Variants in SVIL observed in about 807,000 individuals in gnomAD.
SVIL encodes the protein archvillin.
Under a neutral mutation model 240.4 loss-of-function variants are expected in SVIL, and 101 were observed. The observed-to-expected ratio is 0.42, with a 90% confidence interval of 0.36 to 0.50. The LOEUF is 0.50. Ranked by LOEUF, SVIL falls within the 20% of genes least tolerant of loss-of-function variation. The pLI is 0.01. For missense variants in SVIL, 2,512 were observed against 2,818.7 expected (o/e 0.89, Z 2.46); for synonymous variants, 999 against 1,100.0 (o/e 0.91, Z 1.82).
chr10:29,682,219 G>A (rs1075393), intron 2 of SVIL, among the ~76,000 whole-genome samples: 35,782 of 151,874 alleles, frequency 0.24, 4,289 homozygotes, highest in East Asian at 0.3. Context: ...CCAATACCAC[G>A]CCCCCTCCTC....
intron 17 of SVIL, among the ~76,000 whole-genome samples, chr10:29,502,653 T>G (rs980561729): frequency 1.3e-5 from 2 of 151,914 alleles, no homozygotes; most frequent in Non-Finnish European, 2.9e-5. Context: ...AATTGAGTAT[T>G]TGTGTATGTG....
chr10:29,655,725 G>A (rs1958979091), intron 3 of SVIL, among the ~76,000 whole-genome samples: 1 of 152,216 alleles, frequency 6.6e-6, no homozygotes, highest in Admixed American at 6.5e-5. Flanking sequence ...TGGTGAGAAT[G>A]GATATCCTTG....
chr10:29,486,507 TCTA>T lies in SVIL; in HGVS notation c.4533_4535del (p.Cys1511_Arg1512delinsTer). On this transcript the variant is annotated stop_gained and inframe_deletion, in exon 25 of 38. Coordinates refer to ENST00000355867, the MANE Select transcript of SVIL (RefSeq NM_021738.3). LOFTEE classifies it high-confidence loss of function. The stretch of plus-strand genomic sequence containing the variant: ...CTTCAATGGTTTGGATATAAGTAGC[TCTA>T]CAACCAAGTTCCCTCTTTGTCTGAA... The T allele has an allele frequency of 6.2e-7, 1 of 1,614,170 alleles. No individual in the cohort carries two copies. The highest frequency in any genetic ancestry group is 8.5e-7 in the Non-Finnish European group (1 of 1,180,022).
At chr10:29,685,773 T>G (rs532472286) in intron 2 of SVIL, among the ~76,000 whole-genome samples, 106 of 152,104 alleles carry the variant, frequency 7.0e-4, no homozygotes, top group Middle Eastern at 6.8e-3. Context: ...GGGAGGAGAG[T>G]GTAATGAGGC....
intron 17 of SVIL, among the ~76,000 whole-genome samples, chr10:29,499,709 A>G (rs540116395): frequency 6.6e-6 from 1 of 152,156 alleles, no homozygotes; most frequent in South Asian, 2.1e-4. Flanking sequence ...TGAGCACACA[A>G]GGAACTTGCC....
rs78296091 is a variant in SVIL, at chr10:29,525,948, C to T, written c.2342+1013G>A. Among the ~76,000 whole-genome samples the T allele has an allele frequency of 6.9e-3, 1,047 of 152,256 alleles. 8 individuals are homozygous for T. Among genetic ancestry groups the T allele is most frequent in the African/African-American group, 0.023 (974 of 41,538 alleles). On this transcript the variant is annotated intron_variant, in intron 13 of 37. Transcript: ENST00000355867. ...AGGAGGGCAGGGAAACCCACTTCTC[C>T]GGGAGGGCCCTGCTGTGGGTGTACC...
intron 1 of SVIL, among the ~76,000 whole-genome samples, chr10:29,705,322 A>C (rs1019669639): frequency 5.9e-5 from 9 of 152,292 alleles, no homozygotes; most frequent in African/African-American, 1.4e-4. Flanking sequence ...GAAACTGTGA[A>C]TATTACCTGA....
In SVIL at chr10:29,545,106, C is replaced by T. The variant is rs555823729; in HGVS notation, c.827+5491G>A. 5 of 534,114 alleles carry T rather than the reference C, an allele frequency of 9.4e-6. No individual in the cohort carries two copies. In the East Asian group the frequency reaches 1.6e-4, roughly 17 times the overall value. The allele number at this position is 534,114 out of a possible 1,614,324, so 33.1% of individuals were successfully genotyped here. ...GTCAAGCACGATGCTCTCCTGCAGA[C>T]ACCTCTCTCAGTGCATGGAAACAGA... On this transcript the variant is annotated intron_variant, in intron 6 of 37. Transcript: ENST00000355867.
intron 18 of SVIL, among the ~76,000 whole-genome samples, chr10:29,497,808 G>A (rs1948560669): frequency 2.0e-5 from 3 of 152,240 alleles, no homozygotes; most frequent in Middle Eastern, 3.4e-3. Flanking sequence ...ATGGGCTGGC[G>A]GGGTGGCTCA....
At chr10:29,582,842 C>T (rs1956008225) in intron 1 of SVIL, among the ~76,000 whole-genome samples, 1 of 152,090 alleles carries the variant, frequency 6.6e-6, no homozygotes, top group Admixed American at 6.6e-5. Flanking sequence ...GCCACACCTT[C>T]AGAGCTGCGG....
At chr10:29,649,752 C>T (rs191694754) in intron 3 of SVIL, among the ~76,000 whole-genome samples, 31 of 152,288 alleles carry the variant, frequency 2.0e-4, no homozygotes, top group Non-Finnish European at 3.7e-4. Flanking sequence ...GTCATGTGCT[C>T]AAAATATGAT....
intron 3 of SVIL, among the ~76,000 whole-genome samples, chr10:29,557,768 C>T (rs548830560): frequency 9.2e-5 from 14 of 152,216 alleles, no homozygotes; most frequent in African/African-American, 2.9e-4. Context: ...GAACACTGCC[C>T]TCTGATAGCC....
chr10:29,582,966 G>A (rs1377203776), intron 1 of SVIL, among the ~76,000 whole-genome samples: 8 of 152,148 alleles, frequency 5.3e-5, no homozygotes, highest in East Asian at 1.9e-4. Flanking sequence ...CAGTCATTCA[G>A]TGCTCACTAC....
At chr10:29,506,675 C>CTTAGTGGGAGGGGACAGAGGG (rs1949323624) in intron 17 of SVIL, among the ~76,000 whole-genome samples, 1 of 111,870 alleles carries the variant, frequency 8.9e-6, no homozygotes, top group Non-Finnish European at 2.0e-5. Flanking sequence ...GGGACAGAGG[C>CTTAGTGGGAGGGGACAGAGGG]CCTATGAGGG....
intron 12 of SVIL, among the ~76,000 whole-genome samples, chr10:29,529,107 C>T (rs968231160): frequency 7.1e-5 from 9 of 125,932 alleles, no homozygotes; most frequent in African/African-American, 2.7e-4. Flanking sequence ...ACCCAGGAGG[C>T]GGAGGTTGCA....
At chr10:29,672,416 G>T (rs566925845) in intron 2 of SVIL, among the ~76,000 whole-genome samples, 16 of 152,058 alleles carry the variant, frequency 1.1e-4, no homozygotes, top group African/African-American at 3.1e-4. Flanking sequence ...TGAGGCTGCA[G>T]TGAGCCGTGA....
chr10:29,716,316 G>T (rs925962170), intron 1 of SVIL, among the ~76,000 whole-genome samples: 15 of 151,976 alleles, frequency 9.9e-5, no homozygotes, highest in African/African-American at 3.6e-4. Flanking sequence ...AAATAAATAT[G>T]GCCAATTTTT....
chr10:29,588,418 T>C (rs1487689744), intron 1 of SVIL, among the ~76,000 whole-genome samples: 1 of 151,890 alleles, frequency 6.6e-6, no homozygotes, highest in African/African-American at 2.4e-5. Context: ...CTGTGCAGTT[T>C]CTTGGACACC....
At position 29,457,879 on chromosome 10, in the gene SVIL, G is replaced by A. The variant is rs1943738893; in HGVS notation, c.*368C>T. 1 of 146,124 alleles carries A rather than the reference G, an allele frequency of 6.8e-6. No individual in the cohort carries two copies. Among genetic ancestry groups the A allele is most frequent in the African/African-American group, 2.6e-5 (1 of 38,552 alleles). The allele number at this position is 146,124 out of a possible 1,614,324, so 9.1% of individuals were successfully genotyped here. ...TTTATATAAATATATATATATTTTA[G>A]AATCCACAAACTATCAAAATAACAC... On this transcript the variant is annotated 3_prime_UTR_variant, in exon 38 of 38. Coordinates refer to ENST00000355867, the MANE Select transcript of SVIL (RefSeq NM_021738.3).
Sources: gnomAD v4.1 joint callset for allele counts (sites outside exome capture counted in the v4.1 genomes callset) on GRCh38, gnomAD v4.1.1 for gene constraint, MANE v1.5 for transcripts, NCBI Gene and HGNC (gene_info 2026-07-23, HGNC 2026-07-21) for gene names.